The following SEPTIN8 variants were observed in gnomAD, a reference collection of about 807,000 sequenced individuals.
The protein encoded by SEPTIN8 is septin 8.
Under a neutral mutation model 53.1 loss-of-function variants are expected in SEPTIN8, and 22 were observed. The ratio of observed to expected loss-of-function variants is 0.41; its 90% CI spans 0.30 to 0.59. The LOEUF (loss-of-function observed/expected upper bound fraction) is 0.59, where lower values mean the gene tolerates loss of function less well. Ranked by LOEUF, SEPTIN8 falls within the 20% of genes least tolerant of loss-of-function variation. The pLI, the probability that SEPTIN8 is intolerant of heterozygous loss-of-function variation, is 0.24. For synonymous variants in SEPTIN8, 228 were observed against 248.4 expected (o/e 0.92, Z 0.77); for missense variants, 536 against 638.7 (o/e 0.84, Z 1.73).
At chr5:132,765,384 T>A in intron 2 of SEPTIN8, 25 bp downstream of exon 2, 1 of 1,612,312 alleles carries the variant, frequency 6.2e-7, no homozygotes, top group East Asian at 2.2e-5. Context: ...CCACCCTCTG[T>A]CTGAGGCCAG....
rs768463582 is a variant in SEPTIN8, at chr5:132,760,842, T to G, written c.1246A>C (p.Thr416Pro). ...EALQSQALHA[T>P]SQQPLRKDKD... ...TCCTTCCTCAGGGGCTGCTGCGAGG[T>G]GGCGTGCAAGGCCTGCGACTGCAGG... Residue 416 changes from threonine (T) to proline (P), a missense_variant, in exon 9 of 10, where the codon ACC becomes CCC. Around this residue, in one of 3 missense-constraint regions of SEPTIN8, gnomAD observed 133 missense variants for 157.4 expected, o/e 0.84. Transcript: ENST00000378719. The surrounding 1 kb of genome is among the most constrained non-coding windows in gnomAD (Gnocchi z 5.2). 2 of 1,613,972 alleles carry G rather than the reference T, an allele frequency of 1.2e-6. No homozygotes were observed. The highest frequency in any genetic ancestry group is 1.7e-6 in the Non-Finnish European group (2 of 1,180,026).
At position 132,760,777 on chromosome 5, in the gene SEPTIN8, A is replaced by G. The variant is rs775416833; in HGVS notation, c.1286+25T>C. ...AGAGCCCACAGGAGCAAGAGGAGCC[A>G]GCGCAGGCGCAGCCTGCCACCTACT... is the stretch of plus-strand genomic sequence containing the variant. On this transcript the variant is annotated intron_variant, in intron 9 of 9. Transcript: ENST00000378719. The surrounding 1 kb of genome is among the most constrained non-coding windows in gnomAD (Gnocchi z 5.2). The G allele has an allele frequency of 1.9e-6, 3 of 1,601,164 alleles. No individual in the cohort carries two copies. In the East Asian group the frequency reaches 6.7e-5, roughly 36 times the overall value.
chr5:132,751,926 T>G lies in SEPTIN8; in HGVS notation c.*90A>C. The G allele has an allele frequency of 6.4e-7, 1 of 1,561,922 alleles. No homozygotes were observed. The highest frequency in any genetic ancestry group is 1.9e-5 in the Admixed American group (1 of 53,262). ...TTTGATCATTGATATAGGAAAAGTA[T>G]GGCGTTTTCTGTTCTAACATTAAAA... On this transcript the variant is annotated 3_prime_UTR_variant, in exon 10 of 10. Transcript: ENST00000378719.
In SEPTIN8 at chr5:132,777,220, C is replaced by A; in HGVS notation, c.-83G>T. The stretch of plus-strand genomic sequence containing the variant: ...CAGCCGGCTGCGGGACGCGCTCCGC[C>A]CGGGCGGCTGCGGCTGAATGGATCC... On this transcript the variant is annotated 5_prime_UTR_variant, in exon 1 of 10. Transcript: ENST00000378719. This position sits in a 1 kb window ranked among gnomAD's most constrained non-coding sequence, Gnocchi z 4.1. 1.7e-6 allele frequency: 2 copies of A among 1,154,284 alleles called. No individual in the cohort carries two copies. Among genetic ancestry groups the A allele is most frequent in the Non-Finnish European group, 2.1e-6 (2 of 937,250 alleles). The allele number at this position is 1,154,284 out of a possible 1,614,324, so 71.5% of individuals were successfully genotyped here.
upstream of SEPTIN8, among the ~76,000 whole-genome samples, chr5:132,779,581 G>A (rs1758008785): frequency 6.6e-6 from 1 of 152,132 alleles, no homozygotes. Flanking sequence ...CCTCTTGCTT[G>A]TCTTTTACTT....
At chr5:132,756,482 A>C in intron 9 of SEPTIN8, 1 of 985,472 alleles carries the variant, frequency 1.0e-6, no homozygotes, top group Non-Finnish European at 1.2e-6. Flanking sequence ...TAAAGCCAAC[A>C]AATGACAATG....
At chr5:132,754,561 G>A (rs1367138263) in intron 9 of SEPTIN8, 4 of 716,726 alleles carry the variant, frequency 5.6e-6, no homozygotes, top group Admixed American at 2.0e-5. Flanking sequence ...TCCTAGGACT[G>A]GGGTAAGAGA....
At chr5:132,774,208 T>C (rs1267751640) in intron 1 of SEPTIN8, 2 of 166,980 alleles carry the variant, frequency 1.2e-5, no homozygotes, top group Non-Finnish European at 2.9e-5. Context: ...AAGTGACAGA[T>C]GGTGCTGGGG....
intron 1 of SEPTIN8, among the ~76,000 whole-genome samples, chr5:132,771,018 C>T (rs1191685925): frequency 1.3e-5 from 2 of 152,204 alleles, no homozygotes; most frequent in African/African-American, 4.8e-5. Context: ...AGGCCGGCTG[C>T]GTGCCTCCAT....
intron 1 of SEPTIN8, among the ~76,000 whole-genome samples, chr5:132,768,488 C>T (rs1756858393): frequency 6.6e-6 from 1 of 152,226 alleles, no homozygotes; most frequent in African/African-American, 2.4e-5. Flanking sequence ...AGTTGCATTG[C>T]TCACTCCAGG....
At chr5:132,757,332 C>T (rs1755434980) in intron 9 of SEPTIN8, 1 of 985,378 alleles carries the variant, frequency 1.0e-6, no homozygotes, top group South Asian at 4.7e-5. Context: ...CTGCCTCTTC[C>T]TGGCCGTGCC....
chr5:132,754,026 G>C (rs973513990), intron 9 of SEPTIN8: 1 of 144,188 alleles, frequency 6.9e-6, no homozygotes, highest in Non-Finnish European at 1.5e-5. Context: ...GGAGGGGAAA[G>C]ATTTACTAGG....
At chr5:132,778,039 C>A (rs1757942781), upstream of SEPTIN8, 1 of 985,528 alleles carries the variant, frequency 1.0e-6, no homozygotes, top group African/African-American at 1.7e-5. Context: ...TGCACGTTCT[C>A]TCCGCTAATG....
upstream of SEPTIN8, among the ~76,000 whole-genome samples, chr5:132,778,615 G>A (rs1185466667): frequency 6.6e-6 from 1 of 152,180 alleles, no homozygotes. Flanking sequence ...TGGATCTATG[G>A]CAAACCTTCC....
At chr5:132,754,171 T>G in intron 9 of SEPTIN8, 2 of 488,034 alleles carry the variant, frequency 4.1e-6, no homozygotes, top group South Asian at 6.2e-5. Context: ...TCCGATCCTG[T>G]ATGAGTCTTA....
Position 132,770,369 on chromosome 5 carries a change from G to A in SEPTIN8, c.31-4840C>T, listed in dbSNP as rs184909362. The stretch of plus-strand genomic sequence containing the variant: ...TGATTTTTGTATTTTTAGTAGAGAC[G>A]GGGTTTCACTATGTTGGCCAGGTCG... On this transcript the variant is annotated intron_variant, in intron 1 of 9. Transcript: ENST00000378719. Among the ~76,000 whole-genome samples the A allele has an allele frequency of 6.9e-3, 1,049 of 151,472 alleles. 4 individuals carry two copies. Among genetic ancestry groups the A allele is most frequent in the Non-Finnish European group, 0.011 (738 of 67,892 alleles).
chr5:132,765,258 G>A, intron 2 of SEPTIN8, 151 bp downstream of exon 2: 1 of 854,256 alleles, frequency 1.2e-6, no homozygotes, highest in Non-Finnish European at 1.8e-6. Flanking sequence ...CTTGACTCTG[G>A]CAGAGACACC....
chr5:132,763,600 C>T lies in SEPTIN8; in HGVS notation c.534+106G>A, dbSNP rs964852292. 3.7e-6 allele frequency: 4 copies of T among 1,095,394 alleles called. No individual in the cohort carries two copies. The African/African-American group carries it at 6.3e-5, about 17-fold the overall frequency. 67.9% of individuals were successfully genotyped at this position (1,095,394 alleles called of 1,614,324 possible). A position where few individuals can be genotyped will look rare whatever the true frequency, so the allele number is the denominator to read the frequency against. On this transcript the variant is annotated intron_variant, in intron 4 of 9. Coordinates refer to ENST00000378719, the MANE Select transcript of SEPTIN8 (RefSeq NM_001098811.2). ...CCAATGGGGGGCCACCCACAAGCCCCCGACCAGGTCCCTGAGGACCATGGT... is the reference window on the plus strand; with the variant it reads ...CCAATGGGGGGCCACCCACAAGCCCTCGACCAGGTCCCTGAGGACCATGGT...
chr5:132,757,390 A>G, intron 9 of SEPTIN8: 1 of 985,524 alleles, frequency 1.0e-6, no homozygotes, highest in Non-Finnish European at 1.2e-6. Flanking sequence ...TGAGCAGAAC[A>G]TCATCTCAGG....
Sources: allele counts gnomAD v4.1 joint callset (sites outside exome capture counted in the v4.1 genomes callset), GRCh38; gene constraint gnomAD v4.1.1; regional missense constraint gnomAD v4.1.1; non-coding constraint Gnocchi (gnomAD v3.1); transcripts MANE v1.5; gene names NCBI Gene and HGNC (gene_info 2026-07-23, HGNC 2026-07-21).